Variants in STAU1 observed in about 807,000 individuals in gnomAD.
STAU1 encodes double-stranded RNA-binding protein Staufen homolog 1.
A neutral mutation model predicts 62.9 loss-of-function variants in STAU1; 13 were observed. The ratio of observed to expected loss-of-function variants is 0.21; its 90% CI spans 0.13 to 0.33. The LOEUF is 0.33. STAU1 is among the 10% of genes least tolerant of loss of function. The probability of loss-of-function intolerance (pLI) is 1.00; values close to 1 mark genes in which losing one functional copy is unlikely to be tolerated. For synonymous variants in STAU1, 269 were observed against 265.1 expected, an observed-to-expected ratio of 1.01 and a Z score of -0.14; for missense variants, 571 against 712.1, an observed-to-expected ratio of 0.80 and a Z score of 2.25.
chr20:49,204,646 A>AT, the STAU1 span, among the ~76,000 whole-genome samples: 18 of 32,166 alleles, frequency 5.6e-4, 1 homozygote, highest in African/African-American at 2.0e-3. Context: ...ATATATATAT[A>AT]TTTTTTTTTT....
the STAU1 span, among the ~76,000 whole-genome samples, chr20:49,217,123 C>T: frequency 6.6e-6 from 1 of 152,098 alleles, no homozygotes. Context: ...AAAGCTGGTT[C>T]TGTGAGTATT....
chr20:49,127,349 C>T (rs1240201883), intron 6 of STAU1, among the ~76,000 whole-genome samples: 2 of 151,458 alleles, frequency 1.3e-5, no homozygotes, highest in African/African-American at 4.9e-5. Context: ...AGCGAAACAC[C>T]ATCTCAAAAA....
At chr20:49,168,960 T>A (rs1359348919) in intron 2 of STAU1, among the ~76,000 whole-genome samples, 1 of 152,028 alleles carries the variant, frequency 6.6e-6, no homozygotes. Context: ...GCTAATTTTT[T>A]TTTTTTTTTT....
intron 5 of STAU1, among the ~76,000 whole-genome samples, chr20:49,144,224 A>G (rs1393471311): frequency 1.3e-5 from 2 of 152,184 alleles, no homozygotes; most frequent in African/African-American, 4.8e-5. Flanking sequence ...TTTGTTGACA[A>G]TAAGTGGTAA....
chr20:49,117,561 G>A lies in STAU1; in HGVS notation c.1509+216C>T, dbSNP rs1446782700. Among the ~76,000 whole-genome samples the A allele has an allele frequency of 6.6e-6, 1 of 152,218 alleles. No individual in the cohort carries two copies. Among genetic ancestry groups the A allele is most frequent in the Non-Finnish European group, 1.5e-5 (1 of 68,040 alleles). On this transcript the variant is annotated intron_variant, in intron 11 of 13. Coordinates refer to ENST00000371856, the MANE Select transcript of STAU1 (RefSeq NM_017453.4). This position sits in a 1 kb window ranked among gnomAD's most constrained non-coding sequence, Gnocchi z 4.6. ...AGAAGCTTTTAGGGTTGGCTTGCAT[G>A]TTGAAATCTTACTACCAAAGGATAA...
At chr20:49,121,997 C>T (rs1342779118) in intron 8 of STAU1, among the ~76,000 whole-genome samples, 1 of 152,220 alleles carries the variant, frequency 6.6e-6, no homozygotes, top group Non-Finnish European at 1.5e-5. Context: ...GGGCAAACTA[C>T]TGATCCTCTC....
chr20:49,201,987 G>C, the STAU1 span, among the ~76,000 whole-genome samples: 1 of 151,946 alleles, frequency 6.6e-6, no homozygotes, highest in African/African-American at 2.4e-5. Context: ...TTGGGAGGCC[G>C]AGGCAGGCAG....
chr20:49,142,063 G>GAAGAAC (rs112140674), intron 5 of STAU1, among the ~76,000 whole-genome samples: 1 of 150,370 alleles, frequency 6.7e-6, no homozygotes, highest in Non-Finnish European at 1.5e-5. Context: ...ATCTCAACAA[G>GAAGAAC]AACAACAACA....
At chr20:49,132,819 C>T (rs2092781010) in intron 6 of STAU1, among the ~76,000 whole-genome samples, 1 of 152,122 alleles carries the variant, frequency 6.6e-6, no homozygotes, top group South Asian at 2.1e-4. Flanking sequence ...AAAACTGTTC[C>T]TGTCTTCCCC....
chr20:49,178,902 TCTC>T (rs1259345514), intron 1 of STAU1, among the ~76,000 whole-genome samples: 1 of 121,088 alleles, frequency 8.3e-6, no homozygotes, highest in Non-Finnish European at 1.7e-5. Flanking sequence ...TGAAACACCG[TCTC>T]CACTAAAAAA....
intron 6 of STAU1, among the ~76,000 whole-genome samples, chr20:49,130,420 T>G (rs765414280): frequency 6.6e-6 from 1 of 152,122 alleles, no homozygotes; most frequent in Non-Finnish European, 1.5e-5. Context: ...CACATCGAAC[T>G]GTGCACTTAC....
intron 5 of STAU1, among the ~76,000 whole-genome samples, chr20:49,136,282 G>A (rs2092881256): frequency 6.6e-6 from 1 of 152,098 alleles, no homozygotes; most frequent in African/African-American, 2.4e-5. Flanking sequence ...CAGCCTGGGT[G>A]ACACAGCGAG....
chr20:49,216,310 G>A, the STAU1 span, among the ~76,000 whole-genome samples: 1 of 152,076 alleles, frequency 6.6e-6, no homozygotes, highest in Non-Finnish European at 1.5e-5. Flanking sequence ...CAGATCCCTT[G>A]AGGTCAGGAG....
In STAU1 at chr20:49,141,438, A is replaced by T. The variant is rs1180937781; in HGVS notation, c.511-5507T>A. 5.9e-5 allele frequency among the ~76,000 whole-genome samples: 9 copies of T among 152,298 alleles called. No individual in the cohort carries two copies. In the East Asian group the frequency reaches 1.7e-3, roughly 29 times the overall value. ...ACCTTAATCTCTACAAAAAAATTTT[A>T]AGATTACCCAGGTGCAGTGGAGTGT... On this transcript the variant is annotated intron_variant, in intron 5 of 13. Coordinates refer to ENST00000371856, the MANE Select transcript of STAU1 (RefSeq NM_017453.4).
the STAU1 span, among the ~76,000 whole-genome samples, chr20:49,202,609 G>A: frequency 6.6e-6 from 1 of 151,758 alleles, no homozygotes; most frequent in African/African-American, 2.4e-5. Context: ...TAGGCTGAAA[G>A]TAGTGGCTCA....
In STAU1 at chr20:49,134,993, A is replaced by C. The variant is rs1437647419; in HGVS notation, c.609+840T>G. 7 of 1,602,354 alleles carry C rather than the reference A, an allele frequency of 4.4e-6. No homozygotes were observed. The African/African-American group carries it at 9.4e-5, about 21-fold the overall frequency. On this transcript the variant is annotated intron_variant, in intron 6 of 13. Transcript: ENST00000371856. The stretch of plus-strand genomic sequence containing the variant: ...TGTGAAGAGACAGTTCATGAACAAG[A>C]GTCTTTCAGGACCTGGACAGCGAAG...
chr20:49,121,663 AAC>A (rs779812244), intron 8 of STAU1, among the ~76,000 whole-genome samples: 1 of 152,102 alleles, frequency 6.6e-6, no homozygotes, highest in African/African-American at 2.4e-5. Context: ...AAATTTATAA[AAC>A]ACACATATAT....
intron 5 of STAU1, 151 bp from the exon 6 acceptor site, chr20:49,136,082 G>C (rs2146039595): frequency 1.7e-6 from 1 of 601,944 alleles, no homozygotes; most frequent in East Asian, 2.9e-5. Context: ...CAACATGGCA[G>C]TTTGAGACCA....
intron 3 of STAU1, among the ~76,000 whole-genome samples, chr20:49,154,508 C>G (rs961288414): frequency 6.6e-6 from 1 of 152,218 alleles, no homozygotes; most frequent in Non-Finnish European, 1.5e-5. Context: ...TGTCCGTACA[C>G]AGTATTGAAC....
Sources: gnomAD v4.1 joint callset for allele counts (sites outside exome capture counted in the v4.1 genomes callset) on GRCh38, gnomAD v4.1.1 for gene constraint, Gnocchi (gnomAD v3.1) non-coding constraint, MANE v1.5 for transcripts, NCBI Gene and HGNC (gene_info 2026-07-23, HGNC 2026-07-21) for gene names.